AFG2A: variants seen among roughly 807,000 people sequenced by gnomAD.
AFG2A encodes the protein ATPase family gene 2 protein homolog A.
chr4:123,104,573 C>T, the AFG2A span, among the ~76,000 whole-genome samples: 2 of 152,176 alleles, frequency 1.3e-5, no homozygotes, highest in African/African-American at 4.8e-5. Flanking sequence ...AAAGCTAGGC[C>T]TCTTTCACCA....
chr4:123,157,193 T>A, the AFG2A span, among the ~76,000 whole-genome samples: 1 of 151,784 alleles, frequency 6.6e-6, no homozygotes, highest in Admixed American at 6.6e-5. Flanking sequence ...TTTTTGTATT[T>A]TTTTTTTTTA....
the AFG2A span, among the ~76,000 whole-genome samples, chr4:123,103,768 TA>T: frequency 6.6e-6 from 1 of 152,154 alleles, no homozygotes; most frequent in African/African-American, 2.4e-5. Context: ...CGTGAATGAA[TA>T]AATAAGTTGC....
chr4:123,203,457 G>A, the AFG2A span, among the ~76,000 whole-genome samples: 1 of 152,102 alleles, frequency 6.6e-6, no homozygotes, highest in Non-Finnish European at 1.5e-5. Flanking sequence ...TGAGTAGCTG[G>A]GATTACAGGC....
chr4:123,238,493 A>C, the AFG2A span, among the ~76,000 whole-genome samples: 1 of 152,192 alleles, frequency 6.6e-6, no homozygotes, highest in African/African-American at 2.4e-5. Context: ...AGGATCAGGC[A>C]GTAATATTTG....
chr4:123,244,499 G>C, the AFG2A span, among the ~76,000 whole-genome samples: 1 of 152,178 alleles, frequency 6.6e-6, no homozygotes, highest in Non-Finnish European at 1.5e-5. Flanking sequence ...CATCAGTCCT[G>C]TGGTGCCCGT....
the AFG2A span, among the ~76,000 whole-genome samples, chr4:122,993,191 C>T: frequency 6.6e-6 from 1 of 151,750 alleles, no homozygotes; most frequent in African/African-American, 2.4e-5. Flanking sequence ...TGAGGTTTTA[C>T]CATGTTGGCC....
the AFG2A span, among the ~76,000 whole-genome samples, chr4:123,137,326 A>T: frequency 6.6e-6 from 1 of 152,200 alleles, no homozygotes; most frequent in Non-Finnish European, 1.5e-5. Context: ...TTGGTTCCTG[A>T]GAGAGAAATG....
chr4:123,118,170 C>T, the AFG2A span, among the ~76,000 whole-genome samples: 7 of 150,674 alleles, frequency 4.6e-5, no homozygotes, highest in East Asian at 9.7e-4. Context: ...ATGCTCATTC[C>T]TTGTTCCTTC....
At chr4:123,187,349 C>G in the AFG2A span, among the ~76,000 whole-genome samples, 1 of 152,156 alleles carries the variant, frequency 6.6e-6, no homozygotes, top group African/African-American at 2.4e-5. Flanking sequence ...TAAGTTCATT[C>G]TGGAATGGCT....
chr4:122,966,221 A>G, the AFG2A span, among the ~76,000 whole-genome samples: 7 of 152,332 alleles, frequency 4.6e-5, no homozygotes, highest in East Asian at 1.3e-3. Flanking sequence ...AGAGTGGGAA[A>G]GAATCTGAAG....
the AFG2A span, among the ~76,000 whole-genome samples, chr4:123,083,392 A>G: frequency 0.036 from 4,521 of 126,580 alleles, 209 homozygotes; most frequent in African/African-American, 0.12. Context: ...TTCTTCATCT[A>G]TTTATATGAT....
chr4:123,294,321 G>A, the AFG2A span, among the ~76,000 whole-genome samples: 1 of 152,174 alleles, frequency 6.6e-6, no homozygotes, highest in African/African-American at 2.4e-5. Flanking sequence ...TCAGATGCCA[G>A]CTATGGAAGT....
chr4:123,175,304 T>A, the AFG2A span, among the ~76,000 whole-genome samples: 1 of 152,088 alleles, frequency 6.6e-6, no homozygotes, highest in Admixed American at 6.5e-5. Flanking sequence ...TGCTTTCAAA[T>A]CAAGAAGAAA....
chr4:123,213,623 A>C, the AFG2A span, among the ~76,000 whole-genome samples: 3 of 152,264 alleles, frequency 2.0e-5, no homozygotes, highest in East Asian at 5.8e-4. Flanking sequence ...AATGACAAAT[A>C]ATGGGAAAAA....
At chr4:123,200,033 G>A in the AFG2A span, among the ~76,000 whole-genome samples, 9 of 152,150 alleles carry the variant, frequency 5.9e-5, no homozygotes, top group African/African-American at 1.7e-4. Context: ...TTTGCAGAAC[G>A]TAGAACTACT....
the AFG2A span, among the ~76,000 whole-genome samples, chr4:122,941,445 G>A: frequency 3.3e-5 from 5 of 152,164 alleles, no homozygotes; most frequent in Middle Eastern, 3.2e-3. Flanking sequence ...GTCTGTTATC[G>A]GTGTATAAGA....
the AFG2A span, among the ~76,000 whole-genome samples, chr4:123,121,107 A>G: frequency 6.6e-6 from 1 of 152,066 alleles, no homozygotes; most frequent in African/African-American, 2.4e-5. Context: ...GTTTTTAGCA[A>G]AAAAGTTTAA....
chr4:123,195,076 T>C, the AFG2A span, among the ~76,000 whole-genome samples: 1 of 152,144 alleles, frequency 6.6e-6, no homozygotes, highest in South Asian at 2.1e-4. Flanking sequence ...AACAAGTTGA[T>C]AAAATAAAAC....
the AFG2A span, among the ~76,000 whole-genome samples, chr4:123,144,955 A>AT: frequency 6.6e-6 from 1 of 151,808 alleles, no homozygotes; most frequent in Non-Finnish European, 1.5e-5. Context: ...TAAGACAATA[A>AT]TTTTTTTTCT....
Sources: allele counts gnomAD v4.1 joint callset (sites outside exome capture counted in the v4.1 genomes callset), GRCh38; gene constraint gnomAD v4.1.1; transcripts MANE v1.5; gene names NCBI Gene and HGNC (gene_info 2026-07-23, HGNC 2026-07-21).